Variants in GTF2H5 observed in about 807,000 individuals in gnomAD.
GTF2H5 encodes general transcription factor IIH subunit 5, also known as TFB5 ortholog.
In GTF2H5, 5 loss-of-function variants were observed where a neutral mutation model predicts 7.1. The observed-to-expected ratio is 0.71, with a 90% CI of 0.37 to 1.49. The LOEUF (loss-of-function observed/expected upper bound fraction) is 1.49. Among genes scored for constraint, GTF2H5 ranks in the 40% most tolerant of loss-of-function variants. GTF2H5 has a pLI of 0.03. For missense variants in GTF2H5, 80 were observed against 83.0 expected (o/e 0.96, Z 0.14); for synonymous variants, 30 against 31.7 (o/e 0.95, Z 0.18).
chr6:158,172,805 A>G (rs373952576), intron 2 of GTF2H5, among the ~76,000 whole-genome samples: 3 of 152,136 alleles, frequency 2.0e-5, no homozygotes, highest in East Asian at 1.9e-4. Flanking sequence ...TGTTTCCAAA[A>G]TAATCCTTTT....
chr6:158,178,647 G>A (rs750635726), intron 2 of GTF2H5, among the ~76,000 whole-genome samples: 6 of 151,972 alleles, frequency 3.9e-5, no homozygotes, highest in East Asian at 1.9e-4. Context: ...CATAGATGTC[G>A]TCTTTTGAGA....
At chr6:158,169,622 A>ATTGTATATTAC (rs1171637609) in intron 1 of GTF2H5, among the ~76,000 whole-genome samples, 5 of 85,892 alleles carry the variant, frequency 5.8e-5, no homozygotes, top group Non-Finnish European at 7.6e-5. Flanking sequence ...TATTACATAT[A>ATTGTATATTAC]ATATATTGTA....
chr6:158,185,794 G>T (rs1776911301), intron 2 of GTF2H5, among the ~76,000 whole-genome samples: 1 of 151,886 alleles, frequency 6.6e-6, no homozygotes, highest in South Asian at 2.1e-4. Context: ...GGTTGCTTGA[G>T]TCCAGGAGTT....
At chr6:158,169,622 A>T (rs540241375) in intron 1 of GTF2H5, among the ~76,000 whole-genome samples, 1 of 85,866 alleles carries the variant, frequency 1.2e-5, no homozygotes. Context: ...TATTACATAT[A>T]ATATATTGTA....
rs541541947 is a variant in GTF2H5 at position 158,191,575 on chromosome 6, C to T, written c.36-402C>T. Among the ~76,000 whole-genome samples the T allele has an allele frequency of 6.6e-5, 10 of 152,176 alleles. No homozygotes were observed. In the South Asian group the frequency reaches 1.9e-3, roughly 28 times the overall value. On this transcript the variant is annotated intron_variant, in intron 2 of 2. Transcript: ENST00000607778. ...TCCGCTCACTGCAAGCTCTGCCTCC[C>T]AGGTTCACACCATTCTCCTGCCTCA...
intron 2 of GTF2H5, among the ~76,000 whole-genome samples, chr6:158,173,231 A>G (rs1207296500): frequency 2.0e-5 from 3 of 152,234 alleles, no homozygotes; most frequent in Non-Finnish European, 4.4e-5. Flanking sequence ...CAGGTTAGGT[A>G]CCATCCTTGC....
chr6:158,191,963 G>A lies in GTF2H5; in HGVS notation c.36-14G>A, dbSNP rs1234727775. The A allele has an allele frequency of 1.9e-6, 3 of 1,609,288 alleles. No homozygotes were observed. Among genetic ancestry groups the A allele is most frequent in the Non-Finnish European group, 2.6e-6 (3 of 1,175,568 alleles). On this transcript the variant is annotated splice_polypyrimidine_tract_variant and intron_variant, in intron 2 of 2. Coordinates refer to ENST00000607778, the MANE Select transcript of GTF2H5 (RefSeq NM_207118.3). Reference sequence around the variant, plus strand: ...ACAACAAGCTGTCTTACAATCATGTGTTTGTCTTTACAGTGATCCTGCCAT... The same window carrying A: ...ACAACAAGCTGTCTTACAATCATGTATTTGTCTTTACAGTGATCCTGCCAT...
chr6:158,185,147 C>CT (rs1165100637), intron 2 of GTF2H5, among the ~76,000 whole-genome samples: 5,694 of 132,686 alleles, frequency 0.043, 265 homozygotes, highest in African/African-American at 0.13. Flanking sequence ...CTTTGAGTGT[C>CT]TTTTTTTTTT....
intron 1 of GTF2H5, among the ~76,000 whole-genome samples, chr6:158,169,559 T>TATAATATATTGTATATTAC (rs1562468610): frequency 5.9e-5 from 4 of 67,890 alleles, no homozygotes; most frequent in East Asian, 7.2e-4. Flanking sequence ...CTGTATATTA[T>TATAATATATTGTATATTAC]ATATAATATA....
chr6:158,195,226 T>C lies in GTF2H5; in HGVS notation c.*3069T>C, dbSNP rs1268224648. 6.6e-6 allele frequency: 1 copy of C among 150,634 alleles called. No homozygotes were observed. 9.3% of individuals were successfully genotyped at this position (150,634 alleles called of 1,614,324 possible). A position where few individuals can be genotyped will look rare whatever the true frequency, so the allele number is the denominator to read the frequency against. On this transcript the variant is annotated 3_prime_UTR_variant, in exon 3 of 3. Coordinates refer to ENST00000607778, the MANE Select transcript of GTF2H5 (RefSeq NM_207118.3). ...AGGAGGATCACTGAAGCCCAGGAGT[T>C]TGAAGCTGCAGTAAGCTAAGAAGGT... is the stretch of plus-strand genomic sequence containing the variant.
In GTF2H5 at chr6:158,197,456, G is replaced by T. The variant is rs1270440363; in HGVS notation, c.*5299G>T. On this transcript the variant is annotated 3_prime_UTR_variant, in exon 3 of 3. Transcript: ENST00000607778. ...TTGTAACAGAAACATGGCTTTACCAGTATGACCCTCAAGACAAAATACAAA... is the reference window on the plus strand; with the variant it reads ...TTGTAACAGAAACATGGCTTTACCATTATGACCCTCAAGACAAAATACAAA... 1 of 152,264 alleles carries T rather than the reference G, an allele frequency of 6.6e-6. No individual in the cohort carries two copies. Among genetic ancestry groups the T allele is most frequent in the Non-Finnish European group, 1.5e-5 (1 of 67,998 alleles). 9.4% of individuals were successfully genotyped at this position (152,264 alleles called of 1,614,324 possible).
At chr6:158,170,621 G>GT (rs1171156482) in intron 2 of GTF2H5, 83 bp downstream of exon 2, 2 of 1,000,562 alleles carry the variant, frequency 2.0e-6, no homozygotes, top group East Asian at 4.8e-5. Flanking sequence ...AAACCCTGTT[G>GT]TTTTTAAGAT....
At chr6:158,184,284 A>T (rs150984572) in intron 2 of GTF2H5, among the ~76,000 whole-genome samples, 136 of 152,172 alleles carry the variant, frequency 8.9e-4, no homozygotes, top group Non-Finnish European at 1.6e-3. Flanking sequence ...AGCCGCATCG[A>T]ATTCCTGTTC....
intron 1 of GTF2H5, among the ~76,000 whole-genome samples, chr6:158,170,104 T>C (rs1785833304): frequency 6.6e-6 from 1 of 152,092 alleles, no homozygotes. Context: ...TCTTCTTTGA[T>C]TCCTGTCTCC....
intron 2 of GTF2H5, among the ~76,000 whole-genome samples, chr6:158,175,574 G>C (rs1490035983): frequency 6.6e-6 from 1 of 152,178 alleles, no homozygotes; most frequent in Non-Finnish European, 1.5e-5. Context: ...GACCAGCCTG[G>C]CCAACATGGT....
rs1176279129 is a variant in GTF2H5, at chr6:158,193,529, T to C, written c.*1372T>C. 6.6e-6 allele frequency: 1 copy of C among 152,210 alleles called. No homozygotes were observed. The highest frequency in any genetic ancestry group is 1.5e-5 in the Non-Finnish European group (1 of 68,048). The allele number at this position is 152,210 out of a possible 1,614,324, so 9.4% of individuals were successfully genotyped here. On this transcript the variant is annotated 3_prime_UTR_variant, in exon 3 of 3. Coordinates refer to ENST00000607778, the MANE Select transcript of GTF2H5 (RefSeq NM_207118.3). ...ATTCAAAGCACCTGTGTACCATATTTATTCACTTACACAGCATTACTGAAT... is the reference window on the plus strand; with the variant it reads ...ATTCAAAGCACCTGTGTACCATATTCATTCACTTACACAGCATTACTGAAT...
chr6:158,169,501 A>ATAATATACTGTATATT lies in GTF2H5; in HGVS notation c.-34-969_-34-968insTAATATACTGTATATT, dbSNP rs1409637004. 2.3e-3 allele frequency among the ~76,000 whole-genome samples: 179 copies of ATAATATACTGTATATT among 78,820 alleles called. 7 individuals carry two copies. Among genetic ancestry groups the ATAATATACTGTATATT allele is most frequent in the African/African-American group, 9.4e-3 (170 of 18,178 alleles). The allele number at this position is 78,820 out of a possible 152,430, so 51.7% of individuals were successfully genotyped here. On this transcript the variant is annotated intron_variant, in intron 1 of 2. Transcript: ENST00000607778. ...ATATATAATATATTGTATATTATAT[A>ATAATATACTGTATATT]ATATATTGTATATTATATATAATAT...
At chr6:158,189,356 C>A (rs1427672557) in intron 2 of GTF2H5, among the ~76,000 whole-genome samples, 1 of 152,086 alleles carries the variant, frequency 6.6e-6, no homozygotes, top group Non-Finnish European at 1.5e-5. Context: ...AAGGTTTTCC[C>A]TTGAAAAAAC....
Position 158,194,095 on chromosome 6 carries a change from T to A in GTF2H5, c.*1938T>A, listed in dbSNP as rs543517256. ...CAACTTTTAGTATGCCTCAGGCATT[T>A]GTCACCAACCTTTTATATTAACATG... On this transcript the variant is annotated 3_prime_UTR_variant, in exon 3 of 3. Coordinates refer to ENST00000607778, the MANE Select transcript of GTF2H5 (RefSeq NM_207118.3). 1 of 152,284 alleles carries A rather than the reference T, an allele frequency of 6.6e-6. No individual in the cohort carries two copies. Among genetic ancestry groups the A allele is most frequent in the Non-Finnish European group, 1.5e-5 (1 of 68,020 alleles). The allele number at this position is 152,284 out of a possible 1,614,324, so 9.4% of individuals were successfully genotyped here.
Sources: gnomAD v4.1 joint callset for allele counts (sites outside exome capture counted in the v4.1 genomes callset) on GRCh38, gnomAD v4.1.1 for gene constraint, MANE v1.5 for transcripts, NCBI Gene and HGNC (gene_info 2026-07-23, HGNC 2026-07-21) for gene names.